FRAS1: variants seen among roughly 807,000 people sequenced by gnomAD.
FRAS1 encodes Fraser extracellular matrix complex subunit 1.
In FRAS1, 290 loss-of-function variants were observed where a neutral mutation model predicts 435.2. That is an observed-to-expected ratio of 0.67 (90% confidence interval 0.61 to 0.73). The LOEUF is 0.73. FRAS1 is among the 30% of genes least tolerant of loss of function. The probability of loss-of-function intolerance (pLI) is 0.00; values close to 1 mark genes in which losing one functional copy is unlikely to be tolerated. For synonymous variants in FRAS1, 1,800 were observed against 1,851.0 expected, an observed-to-expected ratio of 0.97 and a Z score of 0.71; for missense variants, 4,860 against 5,001.5, an observed-to-expected ratio of 0.97 and a Z score of 0.85.
intron 2 of FRAS1, among the ~76,000 whole-genome samples, chr4:78,152,788 T>C (rs896666078): frequency 5.9e-5 from 9 of 152,058 alleles, no homozygotes; most frequent in Admixed American, 2.6e-4. Context: ...GAATAAATAA[T>C]TTGCTCCTTT....
intron 18 of FRAS1, among the ~76,000 whole-genome samples, chr4:78,327,332 A>G (rs1729761404): frequency 1.3e-5 from 2 of 152,316 alleles, no homozygotes; most frequent in East Asian, 1.9e-4. Context: ...TGATATCTAC[A>G]TCATATTTTG....
intron 31 of FRAS1, among the ~76,000 whole-genome samples, chr4:78,412,702 A>G (rs1733388861): frequency 6.6e-6 from 1 of 152,206 alleles, no homozygotes; most frequent in African/African-American, 2.4e-5. Flanking sequence ...CACTATTTCT[A>G]GATAGTGAAA....
intron 29 of FRAS1, among the ~76,000 whole-genome samples, chr4:78,400,506 G>A (rs2110344862): frequency 6.6e-6 from 1 of 152,208 alleles, no homozygotes; most frequent in Non-Finnish European, 1.5e-5. Context: ...TAAGTTGTTG[G>A]TTCATGATAA....
At chr4:78,089,659 A>AAAATTT (rs139725934) in intron 2 of FRAS1, among the ~76,000 whole-genome samples, 21 of 78,810 alleles carry the variant, frequency 2.7e-4, no homozygotes, top group Admixed American at 1.4e-3. Context: ...ATAATATAAA[A>AAAATTT]GTAGCCAATT....
chr4:78,501,991 T>C (rs1720697169), intron 61 of FRAS1, among the ~76,000 whole-genome samples: 1 of 152,220 alleles, frequency 6.6e-6, no homozygotes. Flanking sequence ...TATTTCCCCA[T>C]TGCTTTTGTC....
At chr4:78,289,508 A>G (rs1287612790) in intron 14 of FRAS1, among the ~76,000 whole-genome samples, 1 of 152,112 alleles carries the variant, frequency 6.6e-6, no homozygotes, top group Non-Finnish European at 1.5e-5. Flanking sequence ...AGACAGATGT[A>G]GGTTGCCTTT....
intron 2 of FRAS1, among the ~76,000 whole-genome samples, chr4:78,095,545 G>A (rs976217140): frequency 3.3e-5 from 5 of 152,176 alleles, no homozygotes; most frequent in Non-Finnish European, 7.3e-5. Context: ...AGACTTACCC[G>A]AGACTGGGAA....
At chr4:78,111,961 G>A (rs13130161) in intron 2 of FRAS1, among the ~76,000 whole-genome samples, 42,564 of 151,966 alleles carry the variant, frequency 0.28, 6,292 homozygotes, top group African/African-American at 0.35. Context: ...AAAGATCCCA[G>A]ATTAGAAAAA....
intron 20 of FRAS1, among the ~76,000 whole-genome samples, chr4:78,344,481 C>T (rs77734331): frequency 1.3e-5 from 1 of 78,482 alleles, no homozygotes; most frequent in East Asian, 5.7e-4. Flanking sequence ...ATTCCAGAGT[C>T]TGGAATGTGA....
chr4:78,124,898 G>GC (rs1475238092), intron 2 of FRAS1, among the ~76,000 whole-genome samples: 1 of 151,802 alleles, frequency 6.6e-6, no homozygotes. Flanking sequence ...TATTAGTCTT[G>GC]CTAGTGGTCT....
At chr4:78,335,163 T>G (rs1730123041) in intron 19 of FRAS1, among the ~76,000 whole-genome samples, 1 of 152,182 alleles carries the variant, frequency 6.6e-6, no homozygotes, top group Non-Finnish European at 1.5e-5. Context: ...GCTCTGGTTG[T>G]CAATTATTGC....
chr4:78,484,861 A>T (rs1720120662), intron 58 of FRAS1, among the ~76,000 whole-genome samples: 1 of 152,218 alleles, frequency 6.6e-6, no homozygotes, highest in Non-Finnish European at 1.5e-5. Context: ...CCCCAAGTTC[A>T]TCCTCCTTGC....
At chr4:78,450,113 G>A in intron 44 of FRAS1, 38 bp from the exon 45 acceptor site, 3 of 1,537,306 alleles carry the variant, frequency 2.0e-6, no homozygotes, top group Non-Finnish European at 2.7e-6. Flanking sequence ...CAAAGGAAAT[G>A]TTGGGGAATA....
intron 2 of FRAS1, among the ~76,000 whole-genome samples, chr4:78,182,406 G>C (rs1016554438): frequency 6.6e-6 from 1 of 152,168 alleles, no homozygotes; most frequent in Non-Finnish European, 1.5e-5. Context: ...TAGAAGACAA[G>C]TAAGAGGTAA....
chr4:78,079,493 T>A (rs1740801354), intron 2 of FRAS1, among the ~76,000 whole-genome samples: 1 of 152,138 alleles, frequency 6.6e-6, no homozygotes, highest in African/African-American at 2.4e-5. Context: ...GAAACTCAAC[T>A]CAAACTAGCT....
chr4:78,380,818 T>C (rs1397312673), intron 27 of FRAS1, among the ~76,000 whole-genome samples: 1 of 152,142 alleles, frequency 6.6e-6, no homozygotes, highest in Non-Finnish European at 1.5e-5. Flanking sequence ...GTTTTGAGGT[T>C]TGGGCTGGGA....
In FRAS1 at chr4:78,537,044, T is replaced by C. The variant is rs2109908126; in HGVS notation, c.11142T>C (p.Asn3714=). 6.2e-7 allele frequency: 1 copy of C among 1,614,026 alleles called. No homozygotes were observed. The highest frequency in any genetic ancestry group is 8.5e-7 in the Non-Finnish European group (1 of 1,179,888). The change falls in exon 72 of 74, where the codon AAT becomes AAC. Residue 3714 remains asparagine, a synonymous_variant. Transcript: ENST00000512123. ...RVLWNPEQNL[N]SAYKLQLEKV... ...TTTGGAATCCAGAACAAAATCTTAATTCTGCTTACAAACTCCAGCTGGAGA... is the reference window on the plus strand; with the variant it reads ...TTTGGAATCCAGAACAAAATCTTAACTCTGCTTACAAACTCCAGCTGGAGA...
intron 2 of FRAS1, among the ~76,000 whole-genome samples, chr4:78,227,382 G>T (rs1388042938): frequency 2.6e-5 from 4 of 152,182 alleles, no homozygotes; most frequent in Non-Finnish European, 5.9e-5. Flanking sequence ...TAAACCAGCA[G>T]CCTTCAAAGC....
chr4:78,233,565 C>T (rs543497134), intron 2 of FRAS1, among the ~76,000 whole-genome samples: 6 of 152,238 alleles, frequency 3.9e-5, no homozygotes, highest in African/African-American at 1.4e-4. Flanking sequence ...ATAAAACATT[C>T]GGATTAAAAA....
Sources: allele counts gnomAD v4.1 joint callset (sites outside exome capture counted in the v4.1 genomes callset), GRCh38; gene constraint gnomAD v4.1.1; transcripts MANE v1.5; gene names NCBI Gene and HGNC (gene_info 2026-07-23, HGNC 2026-07-21).